NALF1: variants seen among roughly 807,000 people sequenced by gnomAD.
NALF1 encodes NALCN channel auxiliary factor 1, also known as family with sequence similarity 155 member A.
Under a neutral mutation model 48.4 loss-of-function variants are expected in NALF1, and 3 were observed. The observed-to-expected ratio is 0.06, with a 90% CI of 0.03 to 0.16. NALF1 has a LOEUF of 0.16. NALF1 is among the 10% of genes least tolerant of loss of function. The probability of loss-of-function intolerance (pLI) is 1.00; values close to 1 mark genes in which losing one functional copy is unlikely to be tolerated. For missense variants in NALF1, 526 were observed against 571.5 expected (o/e 0.92, Z 0.81); for synonymous variants, 262 against 245.7 (o/e 1.07, Z -0.62).
chr13:107,754,679 T>C (rs770731919), intron 1 of NALF1, among the ~76,000 whole-genome samples: 3 of 152,286 alleles, frequency 2.0e-5, no homozygotes, highest in African/African-American at 4.8e-5. Context: ...CGGTCCTTCA[T>C]ATGAAAGTTG....
At chr13:107,435,713 A>G (rs140515334) in intron 1 of NALF1, among the ~76,000 whole-genome samples, 252 of 149,994 alleles carry the variant, frequency 1.7e-3, no homozygotes, top group African/African-American at 5.8e-3. Context: ...TTGATGCCTG[A>G]GATGTGGGAA....
chr13:107,852,807 A>G (rs1284826823), intron 1 of NALF1, among the ~76,000 whole-genome samples: 1 of 152,242 alleles, frequency 6.6e-6, no homozygotes, highest in Admixed American at 6.5e-5. Flanking sequence ...CAATAGAAAA[A>G]GTATAGGTTC....
chr13:107,752,456 T>A (rs1201967980), intron 1 of NALF1, among the ~76,000 whole-genome samples: 1 of 152,168 alleles, frequency 6.6e-6, no homozygotes, highest in Non-Finnish European at 1.5e-5. Context: ...CCACCCATGA[T>A]ATTCATTGAC....
intron 1 of NALF1, among the ~76,000 whole-genome samples, chr13:107,547,822 T>C (rs1022344105): frequency 1.3e-5 from 2 of 152,192 alleles, no homozygotes; most frequent in Non-Finnish European, 2.9e-5. Context: ...GATGAGATTA[T>C]TGGTAGAACA....
At chr13:107,390,488 T>C (rs1883605078) in intron 1 of NALF1, among the ~76,000 whole-genome samples, 1 of 152,118 alleles carries the variant, frequency 6.6e-6, no homozygotes, top group Admixed American at 6.6e-5. Context: ...ATAAATAAGA[T>C]GCAAAAGCCA....
At chr13:107,507,025 A>G (rs1875717190) in intron 1 of NALF1, among the ~76,000 whole-genome samples, 1 of 152,142 alleles carries the variant, frequency 6.6e-6, no homozygotes, top group Admixed American at 6.6e-5. Context: ...TAAAATATGA[A>G]AGAAAAAGAC....
At chr13:107,191,179 T>C (rs528818486) in intron 2 of NALF1, among the ~76,000 whole-genome samples, 86 of 152,250 alleles carry the variant, frequency 5.6e-4, no homozygotes, top group African/African-American at 1.9e-3. Flanking sequence ...TCAGAGGTCA[T>C]TGGTTTGCAC....
intron 1 of NALF1, among the ~76,000 whole-genome samples, chr13:107,603,232 C>T (rs1303040884): frequency 2.0e-5 from 3 of 152,110 alleles, no homozygotes; most frequent in African/African-American, 7.2e-5. Flanking sequence ...AGTTAAAACA[C>T]ATTTTCTCTT....
In NALF1 at chr13:107,389,215, ACTACTTAC is replaced by A. The variant is rs1175713593; in HGVS notation, c.916-178468_916-178461del. On this transcript the variant is annotated intron_variant, in intron 1 of 2. Coordinates refer to ENST00000375915, the MANE Select transcript of NALF1 (RefSeq NM_001080396.3). ...TTCGACACTCCGGGTAGCTGTCAAA[ACTACTTAC>A]CACATTGTAACACACTGTTATGAGT... Among the ~76,000 whole-genome samples, 5 of 152,180 alleles carry A rather than the reference ACTACTTAC, an allele frequency of 3.3e-5. No individual in the cohort carries two copies. The East Asian group carries it at 9.7e-4, about 29-fold the overall frequency.
At chr13:107,353,244 A>C (rs540443007) in intron 1 of NALF1, among the ~76,000 whole-genome samples, 2 of 152,362 alleles carry the variant, frequency 1.3e-5, no homozygotes, top group African/African-American at 4.8e-5. Flanking sequence ...AATTGTATTA[A>C]TAAATTTGTA....
chr13:107,433,166 A>G (rs1884410471), intron 1 of NALF1, among the ~76,000 whole-genome samples: 1 of 152,220 alleles, frequency 6.6e-6, no homozygotes, highest in Non-Finnish European at 1.5e-5. Flanking sequence ...CCTAGGAAGA[A>G]TTCTGGAACC....
intron 1 of NALF1, among the ~76,000 whole-genome samples, chr13:107,781,893 T>A (rs1877898653): frequency 1.3e-5 from 2 of 152,248 alleles, no homozygotes; most frequent in Non-Finnish European, 2.9e-5. Context: ...GTCTGTTGAA[T>A]GAATAAATGA....
chr13:107,212,162 TTA>T (rs1273444774), intron 1 of NALF1, among the ~76,000 whole-genome samples: 5 of 152,234 alleles, frequency 3.3e-5, no homozygotes, highest in Admixed American at 2.6e-4. Context: ...TTGTATTTTT[TTA>T]TTCATAACAT....
chr13:107,816,531 C>A (rs566993138), intron 1 of NALF1, among the ~76,000 whole-genome samples: 1 of 152,154 alleles, frequency 6.6e-6, no homozygotes, highest in African/African-American at 2.4e-5. Context: ...ATCAGCCCCA[C>A]GATTCAATTA....
intron 1 of NALF1, among the ~76,000 whole-genome samples, chr13:107,680,093 A>AGGTGCCCG (rs1566441212): frequency 2.0e-5 from 3 of 151,860 alleles, no homozygotes; most frequent in African/African-American, 2.4e-5. Flanking sequence ...CCAGGTGCCC[A>AGGTGCCCG]TGTGCCCAGG....
chr13:107,276,257 C>T (rs1881278762), intron 1 of NALF1, among the ~76,000 whole-genome samples: 1 of 152,102 alleles, frequency 6.6e-6, no homozygotes, highest in Non-Finnish European at 1.5e-5. Context: ...AGGCATATTC[C>T]CAATCAATTA....
At chr13:107,205,695 C>T (rs529300280) in intron 2 of NALF1, among the ~76,000 whole-genome samples, 1 of 152,314 alleles carries the variant, frequency 6.6e-6, no homozygotes, top group East Asian at 1.9e-4. Context: ...CAGTAACCCC[C>T]AGCAGACCAA....
chr13:107,744,554 T>C (rs1275473221), intron 1 of NALF1, among the ~76,000 whole-genome samples: 1 of 152,186 alleles, frequency 6.6e-6, no homozygotes, highest in African/African-American at 2.4e-5. Flanking sequence ...TGCAGCCCTA[T>C]AGTGGAGTCC....
At chr13:107,199,990 A>G (rs964833936) in intron 2 of NALF1, among the ~76,000 whole-genome samples, 1 of 152,162 alleles carries the variant, frequency 6.6e-6, no homozygotes, top group African/African-American at 2.4e-5. Context: ...GCTACTCACT[A>G]ATGAACTCAT....
Sources: gnomAD v4.1 joint callset for allele counts (sites outside exome capture counted in the v4.1 genomes callset) on GRCh38, gnomAD v4.1.1 for gene constraint, MANE v1.5 for transcripts, NCBI Gene and HGNC (gene_info 2026-07-23, HGNC 2026-07-21) for gene names.